DMRT3: variants seen among roughly 807,000 people sequenced by gnomAD.
The protein encoded by DMRT3 is doublesex and mab-3 related transcription factor 3.
DMRT3 carries 29 observed loss-of-function variants against 34.9 expected under a neutral mutation model. The observed-to-expected ratio is 0.83, with a 90% CI of 0.62 to 1.13. The LOEUF is 1.13. Among genes scored for constraint, DMRT3 ranks in the 50% most tolerant of loss-of-function variants. DMRT3 has a pLI of 0.00. For synonymous variants in DMRT3, 350 were observed against 286.0 expected (o/e 1.22, Z -2.26); for missense variants, 772 against 629.1 (o/e 1.23, Z -2.43).
chr9:980,126 TTCCTC>T (rs1012819131), intron 1 of DMRT3, among the ~76,000 whole-genome samples: 4 of 152,210 alleles, frequency 2.6e-5, no homozygotes, highest in Non-Finnish European at 5.9e-5. Context: ...CATGGAGTCT[TTCCTC>T]TCCAGAAATC....
Position 976,666 on chromosome 9 carries a change from G to A in DMRT3, c.-336G>A, listed in dbSNP as rs910942251. 1.3e-5 allele frequency among the ~76,000 whole-genome samples: 2 copies of A among 152,222 alleles called. No homozygotes were observed. Among genetic ancestry groups the A allele is most frequent in the Non-Finnish European group, 2.9e-5 (2 of 68,026 alleles). On this transcript the variant is annotated 5_prime_UTR_variant, in exon 1 of 2. Coordinates refer to ENST00000190165, the MANE Select transcript of DMRT3 (RefSeq NM_021240.4). The surrounding 1 kb of genome is among the most constrained non-coding windows in gnomAD (Gnocchi z 4.5). ...CTCACGAGGGAGCTGCAGAAGAGCT[G>A]GCTCAGACCTTAATCAGAGCTGTCG...
At chr9:984,800 C>T (rs1312374868) in intron 1 of DMRT3, among the ~76,000 whole-genome samples, 1 of 152,048 alleles carries the variant, frequency 6.6e-6, no homozygotes, top group Non-Finnish European at 1.5e-5. Flanking sequence ...GTTTGTTTCT[C>T]ATATGTGGTA....
Position 977,429 on chromosome 9 carries a change from C to G in DMRT3, c.428C>G (p.Ala143Gly). The change falls in exon 1 of 2, where the codon GCT becomes GGT. Residue 143 changes from alanine (A) to glycine (G), a missense_variant. Physicochemically the swap from Ala to Gly is moderately conservative, Grantham distance 60. Coordinates refer to ENST00000190165, the MANE Select transcript of DMRT3 (RefSeq NM_021240.4). ...LRWTAEPQPG[A>G]LQAQLAKPDL... ...TGGACTGCCGAGCCGCAGCCCGGGG[C>G]TCTGCAGGCGCAGCTCGCCAAGCCA... The G allele has an allele frequency of 7.8e-7, 1 of 1,275,484 alleles. No individual in the cohort carries two copies. The highest frequency in any genetic ancestry group is 9.9e-7 in the Non-Finnish European group (1 of 1,012,386). The allele number at this position is 1,275,484 out of a possible 1,614,324, so 79.0% of individuals were successfully genotyped here.
intron 1 of DMRT3, among the ~76,000 whole-genome samples, chr9:987,915 A>G (rs1158966849): frequency 6.6e-6 from 1 of 152,176 alleles, no homozygotes. Flanking sequence ...TAATTTTCAA[A>G]TGTTTAATAA....
chr9:977,869 G>T (rs1181419898), intron 1 of DMRT3, among the ~76,000 whole-genome samples: 3 of 148,402 alleles, frequency 2.0e-5, no homozygotes, highest in Admixed American at 2.0e-4. Flanking sequence ...TTGCCATTTG[G>T]GGGTTGGAAT....
rs1820166593 is a variant in DMRT3 at position 977,444 on chromosome 9, T to C, written c.443T>C (p.Leu148Pro). The C allele has an allele frequency of 7.8e-7, 1 of 1,280,008 alleles. No individual in the cohort carries two copies. Among genetic ancestry groups the C allele is most frequent in the Non-Finnish European group, 9.9e-7 (1 of 1,014,034 alleles). The allele number at this position is 1,280,008 out of a possible 1,614,324, so 79.3% of individuals were successfully genotyped here. A position where few individuals can be genotyped will look rare whatever the true frequency, so the allele number is the denominator to read the frequency against. ...EPQPGALQAQ[L>P]AKPDLTEERL... Reference sequence around the variant, plus strand: ...CAGCCCGGGGCTCTGCAGGCGCAGCTCGCCAAGCCAGGTAAGAGCGTCTGA... The same window carrying C: ...CAGCCCGGGGCTCTGCAGGCGCAGCCCGCCAAGCCAGGTAAGAGCGTCTGA... Residue 148 changes from leucine to proline, a missense_variant, in exon 1 of 2, where the codon CTC (leucine) becomes CCC (proline). Transcript: ENST00000190165.
rs114140765 is a variant in DMRT3 at position 978,198 on chromosome 9, G to A, written c.454+743G>A. On this transcript the variant is annotated intron_variant, in intron 1 of 1. Coordinates refer to ENST00000190165, the MANE Select transcript of DMRT3 (RefSeq NM_021240.4). ...ATCCTTTAACACTGTTCCCCAGGCTGCCCTCAGCTGTCTTCGTGGTTTAAA... is the reference window on the plus strand; with the variant it reads ...ATCCTTTAACACTGTTCCCCAGGCTACCCTCAGCTGTCTTCGTGGTTTAAA... 5.0e-3 allele frequency among the ~76,000 whole-genome samples: 756 copies of A among 152,278 alleles called. 5 individuals carry two copies. The highest frequency in any genetic ancestry group is 0.017 in the African/African-American group (714 of 41,554).
Position 977,307 on chromosome 9 carries a change from C to A in DMRT3, c.306C>A (p.Asp102Glu). 7.5e-7 allele frequency: 1 copy of A among 1,336,638 alleles called. No individual in the cohort carries two copies. The highest frequency in any genetic ancestry group is 3.0e-5 in the East Asian group (1 of 32,848). The allele number at this position is 1,336,638 out of a possible 1,614,324, so 82.8% of individuals were successfully genotyped here. The change falls in exon 1 of 2, where the codon GAC becomes GAA. Residue 102 changes from aspartate (D) to glutamate (E), a missense_variant. By Grantham distance (45) the Asp-to-Glu change is conservative. Transcript: ENST00000190165. ...RALPGPPPPGDAVAAPQPPPA... is the reference protein window; with the variant it reads ...RALPGPPPPGEAVAAPQPPPA... ...TGCCAGGGCCCCCGCCGCCGGGGGA[C>A]GCCGTCGCCGCCCCGCAGCCGCCGC...
rs755614366 is a variant in DMRT3 at position 976,875 on chromosome 9, C to T, written c.-127C>T. 3 of 1,045,472 alleles carry T rather than the reference C, an allele frequency of 2.9e-6. No homozygotes were observed. The highest frequency in any genetic ancestry group is 3.8e-6 in the Non-Finnish European group (3 of 788,342). 64.8% of individuals were successfully genotyped at this position (1,045,472 alleles called of 1,614,324 possible). A position where few individuals can be genotyped will look rare whatever the true frequency, so the allele number is the denominator to read the frequency against. On this transcript the variant is annotated 5_prime_UTR_variant, in exon 1 of 2. Coordinates refer to ENST00000190165, the MANE Select transcript of DMRT3 (RefSeq NM_021240.4). The surrounding 1 kb of genome is among the most constrained non-coding windows in gnomAD (Gnocchi z 4.5). ...GCCGCCCCGGAGCACACACGACCAC[C>T]GGGGCTGCGGGACCAAGGGCCGCGT...
intron 1 of DMRT3, among the ~76,000 whole-genome samples, chr9:980,835 A>C (rs1378536028): frequency 1.3e-5 from 2 of 152,150 alleles, no homozygotes; most frequent in Non-Finnish European, 2.9e-5. Context: ...AGCTAAAGTT[A>C]CATTCTTGTG....
Position 990,962 on chromosome 9 carries a change from G to C in DMRT3, c.1376G>C (p.Arg459Thr), listed in dbSNP as rs770644071. The C allele has an allele frequency of 1.2e-5, 20 of 1,613,942 alleles. No individual in the cohort carries two copies. Among genetic ancestry groups the C allele is most frequent in the Non-Finnish European group, 1.6e-5 (19 of 1,180,016 alleles). Residue 459 changes from arginine to threonine, a missense_variant, in exon 2 of 2, where the codon AGG (arginine) becomes ACG (threonine). Arg to Thr is a moderately conservative substitution (Grantham distance 71). Coordinates refer to ENST00000190165, the MANE Select transcript of DMRT3 (RefSeq NM_021240.4). ...SIYTEDDYDE[R>T]SDSSDSRTLN... Reference sequence around the variant, plus strand: ...TACACCGAGGACGACTATGACGAGAGGTCTGACTCCTCAGACTCTAGAACA... The same window carrying C: ...TACACCGAGGACGACTATGACGAGACGTCTGACTCCTCAGACTCTAGAACA...
At chr9:986,389 C>G (rs1820282478) in intron 1 of DMRT3, among the ~76,000 whole-genome samples, 6 of 151,804 alleles carry the variant, frequency 4.0e-5, no homozygotes, top group Admixed American at 3.9e-4. Context: ...GTGAGAACCT[C>G]ATTCCCTAAT....
In DMRT3 at chr9:976,982, C is replaced by G; in HGVS notation, c.-20C>G. The G allele has an allele frequency of 6.8e-7, 1 of 1,465,346 alleles. No individual in the cohort carries two copies. The highest frequency in any genetic ancestry group is 9.0e-7 in the Non-Finnish European group (1 of 1,106,306). The allele number at this position is 1,465,346 out of a possible 1,614,324, so 90.8% of individuals were successfully genotyped here. On this transcript the variant is annotated 5_prime_UTR_variant, in exon 1 of 2. Coordinates refer to ENST00000190165, the MANE Select transcript of DMRT3 (RefSeq NM_021240.4). This position sits in a 1 kb window ranked among gnomAD's most constrained non-coding sequence, Gnocchi z 4.5. The stretch of plus-strand genomic sequence containing the variant: ...CCCTCTCCCGCAGCCAGGCTGCCAA[C>G]TCATTCGGGAGCCCGGGGCATGAAC...
chr9:977,519 A>C (rs1563686641), intron 1 of DMRT3, 64 bp downstream of exon 1: 1 of 1,213,318 alleles, frequency 8.2e-7, no homozygotes, highest in Non-Finnish European at 1.0e-6. Context: ...TGCCAGCTGC[A>C]GCTCCACTTG....
intron 1 of DMRT3, among the ~76,000 whole-genome samples, chr9:978,769 A>T (rs1371604816): frequency 2.6e-5 from 4 of 152,308 alleles, no homozygotes; most frequent in Non-Finnish European, 5.9e-5. Context: ...GGGAATTTTA[A>T]AGCCTGAAGA....
In DMRT3 at chr9:990,408, T is replaced by C. The variant is rs1319678490; in HGVS notation, c.822T>C (p.Cys274=). The change falls in exon 2 of 2, where the codon TGT becomes TGC. Residue 274 remains cysteine, a synonymous_variant. Transcript: ENST00000190165. ...PTVLELILKG[C]GGDLVSAVEV... Reference sequence around the variant, plus strand: ...TGCTTGAGCTCATCCTCAAGGGCTGTGGCGGGGACCTGGTGAGCGCCGTGG... The same window carrying C: ...TGCTTGAGCTCATCCTCAAGGGCTGCGGCGGGGACCTGGTGAGCGCCGTGG... 3 of 1,614,086 alleles carry C rather than the reference T, an allele frequency of 1.9e-6. No individual in the cohort carries two copies. Among genetic ancestry groups the C allele is most frequent in the Non-Finnish European group, 2.5e-6 (3 of 1,180,010 alleles).
At chr9:983,438 T>G (rs1187468555) in intron 1 of DMRT3, among the ~76,000 whole-genome samples, 1 of 152,236 alleles carries the variant, frequency 6.6e-6, no homozygotes, top group Non-Finnish European at 1.5e-5. Flanking sequence ...TTGGAATTAT[T>G]TGCTGTATTT....
At chr9:988,228 C>T (rs1044014772) in intron 1 of DMRT3, among the ~76,000 whole-genome samples, 1 of 151,976 alleles carries the variant, frequency 6.6e-6, no homozygotes, top group Non-Finnish European at 1.5e-5. Flanking sequence ...GCAAATGAAC[C>T]TCTCATTGGA....
chr9:987,535 C>T (rs914981433), intron 1 of DMRT3, among the ~76,000 whole-genome samples: 2 of 151,750 alleles, frequency 1.3e-5, no homozygotes, highest in Non-Finnish European at 2.9e-5. Context: ...ATGCTGCTGC[C>T]ATGAACATTG....
Sources: allele counts gnomAD v4.1 joint callset (sites outside exome capture counted in the v4.1 genomes callset), GRCh38; gene constraint gnomAD v4.1.1; non-coding constraint Gnocchi (gnomAD v3.1); transcripts MANE v1.5; gene names NCBI Gene and HGNC (gene_info 2026-07-23, HGNC 2026-07-21).